PAX3: variants seen among roughly 807,000 people sequenced by gnomAD.
PAX3 encodes the protein paired box 3.
PAX3 carries 14 observed loss-of-function variants against 51.6 expected under a neutral mutation model. That is an observed-to-expected ratio of 0.27 (90% CI 0.18 to 0.42). The LOEUF (loss-of-function observed/expected upper bound fraction) is 0.42. Ranked by LOEUF, PAX3 falls within the 10% of genes least tolerant of loss-of-function variation. The pLI is 1.00. For missense variants in PAX3, 540 were observed against 642.8 expected, an observed-to-expected ratio of 0.84 and a Z score of 1.73; for synonymous variants, 280 against 253.4, an observed-to-expected ratio of 1.11 and a Z score of -1.00.
Position 222,201,388 on chromosome 2 carries a change from G to T in PAX3, c.*20C>A. On this transcript the variant is annotated 3_prime_UTR_variant, in exon 9 of 9. Coordinates refer to ENST00000392070, the MANE Select transcript of PAX3 (RefSeq NM_181458.4). The stretch of plus-strand genomic sequence containing the variant: ...AAGACCAGAAACAGGGCCAGTTTTA[G>T]CTCCAAGTGGACAGTTCACTTACGC... 1 of 1,613,258 alleles carries T rather than the reference G, an allele frequency of 6.2e-7. No individual in the cohort carries two copies. Among genetic ancestry groups the T allele is most frequent in the Non-Finnish European group, 8.5e-7 (1 of 1,179,954 alleles).
chr2:222,293,389 C>T (rs1319932477), intron 4 of PAX3, among the ~76,000 whole-genome samples: 2 of 152,082 alleles, frequency 1.3e-5, no homozygotes, highest in South Asian at 2.1e-4. Context: ...GGATGGCTTG[C>T]GGCAGGTGAA....
At chr2:222,284,612 CGTGTGTGTGT>C (rs71053066) in intron 4 of PAX3, among the ~76,000 whole-genome samples, 40 of 150,442 alleles carry the variant, frequency 2.7e-4, no homozygotes, top group East Asian at 5.9e-4. Flanking sequence ...TGTCTGTGTG[CGTGTGTGTGT>C]GTGTGTGTGT....
intron 5 of PAX3, among the ~76,000 whole-genome samples, chr2:222,231,281 G>A (rs910783097): frequency 6.6e-6 from 1 of 152,168 alleles, no homozygotes; most frequent in Non-Finnish European, 1.5e-5. Context: ...TTAACTTCTA[G>A]GGTGGTGAGG....
intron 1 of PAX3, 134 bp from the exon 2 acceptor site, chr2:222,297,347 A>G: frequency 1.4e-6 from 1 of 727,704 alleles, no homozygotes; most frequent in Non-Finnish European, 2.5e-6. Context: ...ACTGCTCGAC[A>G]TCGGACTCCC....
At chr2:222,296,735 C>T (rs1472859080) in intron 2 of PAX3, among the ~76,000 whole-genome samples, 1 of 152,198 alleles carries the variant, frequency 6.6e-6, no homozygotes, top group Non-Finnish European at 1.5e-5. Flanking sequence ...GGCTTATGGG[C>T]TTTAAAAAAC....
chr2:222,240,705 G>A (rs553918466), intron 4 of PAX3, among the ~76,000 whole-genome samples: 53 of 152,310 alleles, frequency 3.5e-4, no homozygotes, highest in African/African-American at 1.3e-3. Flanking sequence ...TTAAAGTGAA[G>A]GAGGAATTTG....
intron 5 of PAX3, among the ~76,000 whole-genome samples, chr2:222,226,148 A>G (rs1001457139): frequency 4.6e-5 from 7 of 152,206 alleles, no homozygotes; most frequent in Admixed American, 4.6e-4. Flanking sequence ...GAGAGAACAT[A>G]ATAGTTAATC....
At chr2:222,283,262 A>G (rs1299327428) in intron 4 of PAX3, among the ~76,000 whole-genome samples, 1 of 152,236 alleles carries the variant, frequency 6.6e-6, no homozygotes, top group African/African-American at 2.4e-5. Context: ...AAGTGGACAA[A>G]AAAATCAAGG....
chr2:222,233,490 T>A (rs1692686316), intron 4 of PAX3, among the ~76,000 whole-genome samples: 1 of 152,002 alleles, frequency 6.6e-6, no homozygotes, highest in Non-Finnish European at 1.5e-5. Flanking sequence ...AGGGCAGGGG[T>A]GGAGCAGGCA....
chr2:222,204,796 G>T (rs901215468), intron 7 of PAX3, among the ~76,000 whole-genome samples: 5 of 152,084 alleles, frequency 3.3e-5, no homozygotes, highest in African/African-American at 1.2e-4. Flanking sequence ...AATTAATATT[G>T]TCCTTCATGA....
intron 5 of PAX3, among the ~76,000 whole-genome samples, chr2:222,225,394 A>G (rs1020579155): frequency 2.6e-5 from 4 of 152,218 alleles, no homozygotes; most frequent in Non-Finnish European, 5.9e-5. Context: ...AAAGAGCCCC[A>G]TAACATCATG....
chr2:222,282,298 C>A (rs987288442), intron 4 of PAX3, among the ~76,000 whole-genome samples: 7 of 151,862 alleles, frequency 4.6e-5, no homozygotes, highest in Non-Finnish European at 7.4e-5. Flanking sequence ...CTTAGGTAGA[C>A]CAGGTATTCA....
intron 4 of PAX3, chr2:222,293,742 G>A (rs372706630): frequency 1.1e-5 from 18 of 1,614,156 alleles, no homozygotes; most frequent in Non-Finnish European, 1.5e-5. Flanking sequence ...GGAAACTCCG[G>A]AGACCAGGGC....
chr2:222,245,688 G>A (rs1414007191), intron 4 of PAX3, among the ~76,000 whole-genome samples: 1 of 151,878 alleles, frequency 6.6e-6, no homozygotes, highest in Non-Finnish European at 1.5e-5. Context: ...AGAGAAGAGA[G>A]GCCAGGCACT....
chr2:222,284,537 T>G (rs1694760603), intron 4 of PAX3, among the ~76,000 whole-genome samples: 1 of 152,210 alleles, frequency 6.6e-6, no homozygotes, highest in Non-Finnish European at 1.5e-5. Flanking sequence ...TTTTTTACAT[T>G]TAATAGTTGC....
intron 4 of PAX3, among the ~76,000 whole-genome samples, chr2:222,267,671 C>T (rs961633951): frequency 3.3e-5 from 5 of 152,258 alleles, no homozygotes; most frequent in African/African-American, 9.6e-5. Context: ...ATGCCACCAA[C>T]GTGATTCCTG....
intron 4 of PAX3, among the ~76,000 whole-genome samples, chr2:222,259,874 T>G (rs1205988376): frequency 6.6e-6 from 1 of 151,782 alleles, no homozygotes; most frequent in East Asian, 1.9e-4. Context: ...TCATTTAACT[T>G]TTCTGATCCT....
intron 7 of PAX3, among the ~76,000 whole-genome samples, chr2:222,218,671 A>G (rs1315156852): frequency 1.3e-5 from 2 of 152,206 alleles, no homozygotes; most frequent in Non-Finnish European, 2.9e-5. Context: ...TATCAATATA[A>G]GTCCATGATT....
chr2:222,242,339 A>G (rs369493816), intron 4 of PAX3: 1 of 152,126 alleles, frequency 6.6e-6, no homozygotes, highest in East Asian at 1.9e-4. Flanking sequence ...TAACTTAATA[A>G]TAGTAATTAT....
Sources: allele counts gnomAD v4.1 joint callset (sites outside exome capture counted in the v4.1 genomes callset), GRCh38; gene constraint gnomAD v4.1.1; transcripts MANE v1.5; gene names NCBI Gene and HGNC (gene_info 2026-07-23, HGNC 2026-07-21).